Variants in EPB41L3 observed in about 807,000 individuals in gnomAD.
EPB41L3 encodes the protein band 4.1-like protein 3.
A neutral mutation model predicts 127.1 loss-of-function variants in EPB41L3; 57 were observed. The observed-to-expected ratio is 0.45, with a 90% CI of 0.36 to 0.56. EPB41L3 has a LOEUF of 0.56. Among genes scored for constraint, EPB41L3 ranks in the 20% least tolerant of loss-of-function variants. EPB41L3 has a pLI of 0.00. For synonymous variants in EPB41L3, 572 were observed against 549.5 expected, an observed-to-expected ratio of 1.04 and a Z score of -0.57; for missense variants, 1,273 against 1,372.2, an observed-to-expected ratio of 0.93 and a Z score of 1.14.
chr18:5,442,933 T>C (rs896292025), intron 5 of EPB41L3, among the ~76,000 whole-genome samples: 1 of 152,200 alleles, frequency 6.6e-6, no homozygotes, highest in Non-Finnish European at 1.5e-5. Context: ...GATAATATTT[T>C]GCAAACTGAT....
rs143399057 is a variant in EPB41L3 at position 5,533,427 on chromosome 18, C to T, written c.-12+10486G>A. 6.4e-3 allele frequency among the ~76,000 whole-genome samples: 973 copies of T among 152,192 alleles called. 11 individuals are homozygous for T. The highest frequency in any genetic ancestry group is 0.01 in the Middle Eastern group (3 of 294). On this transcript the variant is annotated intron_variant, in intron 1 of 22. Coordinates refer to ENST00000341928, the MANE Select transcript of EPB41L3 (RefSeq NM_012307.5). ...TCGGATATGAGCATAGGAAAAAATG[C>T]TAATAAATTATAATGTAGTCTGACC...
At position 5,410,623 on chromosome 18, in the gene EPB41L3, T is replaced by C; in HGVS notation, c.2068-4A>G. On this transcript the variant is annotated splice_region_variant and splice_polypyrimidine_tract_variant and intron_variant, in intron 13 of 22. Coordinates refer to ENST00000341928, the MANE Select transcript of EPB41L3 (RefSeq NM_012307.5). ...TGTCCGTGCGCTCACTGTCAGTCTG[T>C]TGACCACAGAAGTGATCAGGTTCCA... 1 of 1,612,978 alleles carries C rather than the reference T, an allele frequency of 6.2e-7. No homozygotes were observed. The highest frequency in any genetic ancestry group is 8.5e-7 in the Non-Finnish European group (1 of 1,179,292).
chr18:5,580,996 T>C (rs971789593), intron 3 of EPB41L3, among the ~76,000 whole-genome samples: 1 of 152,152 alleles, frequency 6.6e-6, no homozygotes, highest in African/African-American at 2.4e-5. Flanking sequence ...AGTTTCTGCC[T>C]CTCTGGAGAC....
intron 9 of EPB41L3, among the ~76,000 whole-genome samples, chr18:5,426,820 C>T (rs896586428): frequency 6.6e-6 from 1 of 152,120 alleles, no homozygotes; most frequent in Non-Finnish European, 1.5e-5. Context: ...GCTCACTTAA[C>T]AAATGTTCAA....
At chr18:5,607,757 TC>T (rs1304161597) in intron 3 of EPB41L3, among the ~76,000 whole-genome samples, 1 of 152,002 alleles carries the variant, frequency 6.6e-6, no homozygotes, top group African/African-American at 2.4e-5. Context: ...TTTAATATAA[TC>T]CCCCCTGTTC....
intron 3 of EPB41L3, among the ~76,000 whole-genome samples, chr18:5,472,424 G>A (rs963627251): frequency 2.6e-5 from 4 of 152,156 alleles, no homozygotes; most frequent in Non-Finnish European, 5.9e-5. Context: ...GTTACAGCAC[G>A]CGATGGATGG....
intron 22 of EPB41L3, 55 bp downstream of exon 22, chr18:5,394,622 G>A (rs1213923791): frequency 9.8e-6 from 13 of 1,326,284 alleles, no homozygotes; most frequent in Non-Finnish European, 1.4e-5. Flanking sequence ...AGAGGGAAGT[G>A]CCCCATGCCT....
chr18:5,439,818 A>C (rs2080406915), intron 5 of EPB41L3, among the ~76,000 whole-genome samples: 1 of 152,232 alleles, frequency 6.6e-6, no homozygotes, highest in Admixed American at 6.5e-5. Flanking sequence ...GTTCATAATG[A>C]GATCTGGCTT....
At chr18:5,617,522 T>G (rs1007205057) in intron 1 of EPB41L3, among the ~76,000 whole-genome samples, 1 of 151,938 alleles carries the variant, frequency 6.6e-6, no homozygotes, top group Non-Finnish European at 1.5e-5. Flanking sequence ...GTTTCACCGT[T>G]TTAGCCGGGA....
Position 5,398,045 on chromosome 18 carries a change from A to C in EPB41L3, c.2448T>G (p.Thr816=), listed in dbSNP as rs760227889. Residue 816 remains threonine (T), a synonymous_variant, in exon 17 of 23, where the codon ACT becomes ACG. Transcript: ENST00000341928. Reference sequence around the variant, plus strand: ...CCTGAACCCAGCTTTGAGAAGTAGAAGTAACCCCTCCTATGAATTCTGTTG... The same window carrying C: ...CCTGAACCCAGCTTTGAGAAGTAGACGTAACCCCTCCTATGAATTCTGTTG... ...RKPTEFIGGV[T]STSQSWVQKM... 6.2e-7 allele frequency: 1 copy of C among 1,614,172 alleles called. No individual in the cohort carries two copies. Among genetic ancestry groups the C allele is most frequent in the Admixed American group, 1.7e-5 (1 of 60,028 alleles).
At chr18:5,523,934 A>G (rs942897308) in intron 1 of EPB41L3, among the ~76,000 whole-genome samples, 1 of 152,178 alleles carries the variant, frequency 6.6e-6, no homozygotes, top group Non-Finnish European at 1.5e-5. Flanking sequence ...AGATATTTAA[A>G]TGACTATATA....
intron 6 of EPB41L3, among the ~76,000 whole-genome samples, chr18:5,436,409 T>C (rs967451045): frequency 4.6e-5 from 6 of 129,426 alleles, no homozygotes; most frequent in Non-Finnish European, 7.7e-5. Flanking sequence ...CTTTCTTTTT[T>C]TTTTTTTTTT....
chr18:5,433,405 A>G (rs981247432), intron 8 of EPB41L3, 64 bp downstream of exon 8: 1 of 1,148,262 alleles, frequency 8.7e-7, no homozygotes, highest in Non-Finnish European at 1.3e-6. Flanking sequence ...ACCAGCTTAC[A>G]GTAATAACAA....
At chr18:5,601,871 T>A (rs545499564) in intron 3 of EPB41L3, among the ~76,000 whole-genome samples, 3 of 152,314 alleles carry the variant, frequency 2.0e-5, no homozygotes, top group Admixed American at 2.0e-4. Flanking sequence ...TCATAAATGA[T>A]TTATAAAAGC....
chr18:5,414,689 G>C (rs1360011923), intron 13 of EPB41L3, among the ~76,000 whole-genome samples: 1 of 152,174 alleles, frequency 6.6e-6, no homozygotes, highest in African/African-American at 2.4e-5. Flanking sequence ...GGAGAGGAGT[G>C]GGGAGGGGCG....
intron 3 of EPB41L3, among the ~76,000 whole-genome samples, chr18:5,572,677 A>T (rs1326077228): frequency 1.3e-5 from 2 of 152,092 alleles, no homozygotes; most frequent in African/African-American, 2.4e-5. Context: ...GGGCTCAAGC[A>T]ATCCTCCTGC....
chr18:5,520,197 A>G (rs1257593149), intron 1 of EPB41L3, among the ~76,000 whole-genome samples: 2 of 152,324 alleles, frequency 1.3e-5, no homozygotes, highest in Non-Finnish European at 2.9e-5. Context: ...TTTATTTCTG[A>G]GCTGTATAAG....
intron 3 of EPB41L3, among the ~76,000 whole-genome samples, chr18:5,474,886 C>T (rs1315076384): frequency 5.9e-5 from 9 of 152,178 alleles, no homozygotes; most frequent in Admixed American, 1.3e-4. Flanking sequence ...ACAGTTTCTA[C>T]GGGAACCCTC....
chr18:5,561,151 G>C (rs1475058384), intron 3 of EPB41L3, among the ~76,000 whole-genome samples: 4 of 151,112 alleles, frequency 2.6e-5, no homozygotes, highest in Non-Finnish European at 4.4e-5. Context: ...CTAATGTCTT[G>C]TATTTTCAGT....
Sources: allele counts gnomAD v4.1 joint callset (sites outside exome capture counted in the v4.1 genomes callset), GRCh38; gene constraint gnomAD v4.1.1; transcripts MANE v1.5; gene names NCBI Gene and HGNC (gene_info 2026-07-23, HGNC 2026-07-21).